Variants in RGS7 observed in about 807,000 individuals in gnomAD.
The protein encoded by RGS7 is regulator of G-protein signaling 7.
Under a neutral mutation model 81.1 loss-of-function variants are expected in RGS7, and 27 were observed. That is an observed-to-expected ratio of 0.33 (90% CI 0.25 to 0.46). The LOEUF (loss-of-function observed/expected upper bound fraction) is 0.46. RGS7 is among the 20% of genes least tolerant of loss of function. The probability of loss-of-function intolerance (pLI) is 1.00; values close to 1 mark genes in which losing one functional copy is unlikely to be tolerated. For synonymous variants in RGS7, 208 were observed against 207.7 expected (o/e 1.00, Z -0.01); for missense variants, 396 against 607.4 (o/e 0.65, Z 3.66).
rs527750838 is a variant in RGS7 at position 240,895,586 on chromosome 1, C to T, written c.386-25467G>A. 1.0e-3 allele frequency among the ~76,000 whole-genome samples: 153 copies of T among 152,262 alleles called. 1 individual carries two copies. Among genetic ancestry groups the T allele is most frequent in the African/African-American group, 3.7e-3 (152 of 41,534 alleles). On this transcript the variant is annotated intron_variant, in intron 6 of 18. Coordinates refer to ENST00000440928, the MANE Select transcript of RGS7 (RefSeq NM_001364886.1). ...GTTTGCTCAGAATGATGGTTACCAG[C>T]TTCATCCATGTCCCTACAAAGGACA... is the stretch of plus-strand genomic sequence containing the variant.
At chr1:241,255,568 G>T (rs148732622) in intron 2 of RGS7, among the ~76,000 whole-genome samples, 4 of 152,320 alleles carry the variant, frequency 2.6e-5, no homozygotes, top group African/African-American at 9.6e-5. Flanking sequence ...CCAAGTGAGG[G>T]GGGTAAAGAG....
At chr1:241,012,777 C>T (rs375570953) in intron 3 of RGS7, among the ~76,000 whole-genome samples, 1 of 152,170 alleles carries the variant, frequency 6.6e-6, no homozygotes. Flanking sequence ...CCTTAACCAG[C>T]TCTAGGAAAG....
chr1:240,988,475 G>A (rs899155916), intron 3 of RGS7, among the ~76,000 whole-genome samples: 1 of 152,050 alleles, frequency 6.6e-6, no homozygotes, highest in Non-Finnish European at 1.5e-5. Flanking sequence ...TTTGAGAAAT[G>A]AAGTGATTTG....
chr1:240,816,934 C>T (rs1316041047), intron 10 of RGS7, among the ~76,000 whole-genome samples: 1 of 152,146 alleles, frequency 6.6e-6, no homozygotes, highest in African/African-American at 2.4e-5. Flanking sequence ...TCCTACTCTC[C>T]ATATCAACAG....
chr1:240,983,323 C>G (rs1402156362), intron 3 of RGS7, among the ~76,000 whole-genome samples, 194 bp from the exon 4 acceptor site: 1 of 152,106 alleles, frequency 6.6e-6, no homozygotes, highest in African/African-American at 2.4e-5. Context: ...ATCAATAAAC[C>G]AAGGTGTAAA....
chr1:240,955,941 G>C (rs199935103), intron 4 of RGS7, among the ~76,000 whole-genome samples: 1 of 2,930 alleles, frequency 3.4e-4, no homozygotes, highest in Admixed American at 0.012. Flanking sequence ...AAACATAGGA[G>C]GGAATCTGTC....
At chr1:241,219,897 A>G (rs2074795006) in intron 2 of RGS7, among the ~76,000 whole-genome samples, 1 of 152,222 alleles carries the variant, frequency 6.6e-6, no homozygotes, top group South Asian at 2.1e-4. Flanking sequence ...TGGAAGGATC[A>G]TGCCAATCAA....
At chr1:241,282,381 A>G (rs1558270467) in intron 2 of RGS7, among the ~76,000 whole-genome samples, 1 of 152,216 alleles carries the variant, frequency 6.6e-6, no homozygotes, top group East Asian at 1.9e-4. Flanking sequence ...ACTATAATAT[A>G]GAAATAAAAT....
chr1:240,857,596 T>A (rs1661377610), intron 9 of RGS7, among the ~76,000 whole-genome samples: 1 of 152,180 alleles, frequency 6.6e-6, no homozygotes, highest in African/African-American at 2.4e-5. Context: ...TGGTTTTGCC[T>A]TTTCCACAAT....
chr1:241,299,737 G>A (rs937091315), intron 2 of RGS7, among the ~76,000 whole-genome samples: 1 of 151,502 alleles, frequency 6.6e-6, no homozygotes, highest in African/African-American at 2.4e-5. Flanking sequence ...ATATGAGCAC[G>A]ATGGAGAAGT....
chr1:240,813,209 T>C (rs941297315), intron 13 of RGS7, among the ~76,000 whole-genome samples: 3 of 152,216 alleles, frequency 2.0e-5, no homozygotes, highest in Non-Finnish European at 4.4e-5. Flanking sequence ...GCTCATTCTG[T>C]CTTAAAATTG....
intron 2 of RGS7, among the ~76,000 whole-genome samples, chr1:241,129,636 T>C (rs1010241891): frequency 7.2e-5 from 11 of 152,100 alleles, no homozygotes; most frequent in African/African-American, 2.7e-4. Context: ...ACAGACATAA[T>C]CAACCCCCTA....
At chr1:241,207,328 GGAGT>G (rs2073976018) in intron 2 of RGS7, among the ~76,000 whole-genome samples, 1 of 115,806 alleles carries the variant, frequency 8.6e-6, no homozygotes, top group Non-Finnish European at 2.0e-5. Flanking sequence ...TGCCAGGTAT[GGAGT>G]ATGCACTTTA....
At chr1:241,216,680 T>C (rs1370090038) in intron 2 of RGS7, among the ~76,000 whole-genome samples, 1 of 152,246 alleles carries the variant, frequency 6.6e-6, no homozygotes, top group Non-Finnish European at 1.5e-5. Context: ...CTTCTCAATG[T>C]AATTGATTTA....
At chr1:240,898,447 G>A (rs1669452988) in intron 6 of RGS7, among the ~76,000 whole-genome samples, 1 of 152,138 alleles carries the variant, frequency 6.6e-6, no homozygotes, top group South Asian at 2.1e-4. Flanking sequence ...TCTACACACT[G>A]CTTTAAATGT....
chr1:241,297,915 T>G (rs2148484751), intron 2 of RGS7, among the ~76,000 whole-genome samples: 1 of 152,304 alleles, frequency 6.6e-6, no homozygotes, highest in Admixed American at 6.5e-5. Flanking sequence ...CCAAATGACC[T>G]GGGCATCCTC....
At chr1:241,094,105 G>A (rs2064078286) in intron 3 of RGS7, among the ~76,000 whole-genome samples, 1 of 152,110 alleles carries the variant, frequency 6.6e-6, no homozygotes, top group South Asian at 2.1e-4. Context: ...AGTACTCTCT[G>A]CCTTATCTTC....
chr1:241,134,450 A>T (rs369582401), intron 2 of RGS7, among the ~76,000 whole-genome samples: 14 of 152,362 alleles, frequency 9.2e-5, no homozygotes, highest in East Asian at 3.9e-4. Context: ...TATGTATATA[A>T]AATGCAATTA....
At chr1:241,206,644 C>T (rs771016499) in intron 2 of RGS7, among the ~76,000 whole-genome samples, 6 of 152,258 alleles carry the variant, frequency 3.9e-5, no homozygotes, top group African/African-American at 1.2e-4. Flanking sequence ...TTCTTTGTCA[C>T]GGTCTTTTTC....
Sources: allele counts gnomAD v4.1 joint callset (sites outside exome capture counted in the v4.1 genomes callset), GRCh38; gene constraint gnomAD v4.1.1; transcripts MANE v1.5; gene names NCBI Gene and HGNC (gene_info 2026-07-23, HGNC 2026-07-21).